GPR153: variants seen among roughly 807,000 people sequenced by gnomAD.
The protein encoded by GPR153 is probable G protein-coupled receptor 153.
GPR153 carries 27 observed loss-of-function variants against 34.1 expected under a neutral mutation model. The ratio of observed to expected loss-of-function variants is 0.79; its 90% CI spans 0.58 to 1.09. The LOEUF is 1.09. GPR153 is among the 50% of genes least tolerant of loss of function. The probability of loss-of-function intolerance (pLI) is 0.00; values close to 1 mark genes in which losing one functional copy is unlikely to be tolerated. For synonymous variants in GPR153, 408 were observed against 405.4 expected, an observed-to-expected ratio of 1.01 and a Z score of -0.08; for missense variants, 848 against 860.2, an observed-to-expected ratio of 0.99 and a Z score of 0.18.
chr1:6,249,886 C>T lies in GPR153; in HGVS notation c.1282G>A (p.Val428Met). 3.1e-6 allele frequency: 4 copies of T among 1,293,190 alleles called. No individual in the cohort carries two copies. Among genetic ancestry groups the T allele is most frequent in the Non-Finnish European group, 3.9e-6 (4 of 1,016,960 alleles). 80.1% of individuals were successfully genotyped at this position (1,293,190 alleles called of 1,614,324 possible). A position where few individuals can be genotyped will look rare whatever the true frequency, so the allele number is the denominator to read the frequency against. The change falls in exon 6 of 6, where the codon GTG (valine) becomes ATG (methionine). Residue 428 changes from valine (V) to methionine (M), a missense_variant. Transcript: ENST00000377893. The surrounding 1 kb of genome is among the most constrained non-coding windows in gnomAD (Gnocchi z 4.3). Reference sequence around the variant, plus strand: ...CGCCGCTCGGGCCCGGCAGGCAGCACCAGGTGCGCCAGGGCGGCCAGGTCC... The same window carrying T: ...CGCCGCTCGGGCCCGGCAGGCAGCATCAGGTGCGCCAGGGCGGCCAGGTCC... ...GEDLAALAHL[V>M]LPAGPERRRA...
chr1:6,254,270 A>T lies in GPR153; in HGVS notation c.357-123T>A, dbSNP rs571700155. Reference sequence around the variant, plus strand: ...CCCACACCCCCAGTATATCATAGTCATGGCACAGCCAGTGTGGCAGGGCCT... The same window carrying T: ...CCCACACCCCCAGTATATCATAGTCTTGGCACAGCCAGTGTGGCAGGGCCT... On this transcript the variant is annotated intron_variant, in intron 2 of 5. Transcript: ENST00000377893. 73 of 907,058 alleles carry T rather than the reference A, an allele frequency of 8.0e-5. 1 individual carries two copies. Among genetic ancestry groups the T allele is most frequent in the South Asian group, 7.7e-4 (46 of 60,106 alleles). 56.2% of individuals were successfully genotyped at this position (907,058 alleles called of 1,614,324 possible).
rs59403526 is a variant in GPR153 at position 6,255,642 on chromosome 1, G to GTTTTTTTTTTTTTT, written c.-109-642_-109-629dup. Among the ~76,000 whole-genome samples, 6 of 38,850 alleles carry GTTTTTTTTTTTTTT rather than the reference G, an allele frequency of 1.5e-4. 2 individuals carry two copies. The highest frequency in any genetic ancestry group is 5.8e-4 in the African/African-American group (6 of 10,414). 25.5% of individuals were successfully genotyped at this position (38,850 alleles called of 152,430 possible). ...GGCCTGCACCACTATGCCTGGCTAC[G>GTTTTTTTTTTTTTT]TTTTTTTTTTTTTTTTTTTTTTTTT... is the stretch of plus-strand genomic sequence containing the variant. On this transcript the variant is annotated intron_variant, in intron 1 of 5. Coordinates refer to ENST00000377893, the MANE Select transcript of GPR153 (RefSeq NM_207370.4).
intron 1 of GPR153, among the ~76,000 whole-genome samples, chr1:6,260,513 C>T (rs900841384): frequency 2.0e-5 from 3 of 151,894 alleles, no homozygotes; most frequent in Middle Eastern, 3.2e-3. Context: ...CTGCGGCCCC[C>T]GGACCCCTCT....
In GPR153 at chr1:6,253,740, C is replaced by T; in HGVS notation, c.764G>A (p.Cys255Tyr). ...CACCAGCACAGGGAAGCCCATGAGG[C>T]AGTCGTAGATGAAGACTATGGTGGT... The part of the protein sequence containing the change: ...LVTTIVFIYD[C>Y]LMGFPVLVVS... Residue 255 changes from cysteine to tyrosine, a missense_variant, in exon 3 of 6, where the codon TGC (cysteine) becomes TAC (tyrosine). By Grantham distance (194) the Cys-to-Tyr change is radical. Coordinates refer to ENST00000377893, the MANE Select transcript of GPR153 (RefSeq NM_207370.4). The T allele has an allele frequency of 6.6e-7, 1 of 1,524,740 alleles. No individual in the cohort carries two copies. Among genetic ancestry groups the T allele is most frequent in the East Asian group, 2.3e-5 (1 of 44,048 alleles). The allele number at this position is 1,524,740 out of a possible 1,614,324, so 94.5% of individuals were successfully genotyped here.
In GPR153 at chr1:6,249,437, CGCGCGCA is replaced by C. The variant is rs1460356729; in HGVS notation, c.1724_1730del (p.Leu575ArgfsTer12). 2.6e-5 allele frequency: 35 copies of C among 1,363,502 alleles called. No homozygotes were observed. The highest frequency in any genetic ancestry group is 6.2e-5 in the East Asian group (2 of 32,354). 84.5% of individuals were successfully genotyped at this position (1,363,502 alleles called of 1,614,324 possible). A position where few individuals can be genotyped will look rare whatever the true frequency, so the allele number is the denominator to read the frequency against. Reference sequence around the variant, plus strand: ...TGCTGGTGCTGCCGCCGCCGCCCGCCGCGCGCAGCCCCCCGGGCTCGCCCCACGACGC... The same window carrying C: ...TGCTGGTGCTGCCGCCGCCGCCCGCCGCCCCCCGGGCTCGCCCCACGACGC... On this transcript the variant is annotated frameshift_variant, in exon 6 of 6. Coordinates refer to ENST00000377893, the MANE Select transcript of GPR153 (RefSeq NM_207370.4). LOFTEE classifies it high-confidence loss of function. The surrounding 1 kb of genome is among the most constrained non-coding windows in gnomAD (Gnocchi z 4.3).
At chr1:6,250,192 G>T in intron 5 of GPR153, 189 bp from the exon 6 acceptor site, 1 of 985,436 alleles carries the variant, frequency 1.0e-6, no homozygotes, top group African/African-American at 1.7e-5. Context: ...AGCTGGGGTC[G>T]GTTGGGGAGG....
At chr1:6,260,385 C>T (rs998804894) in intron 1 of GPR153, among the ~76,000 whole-genome samples, 2 of 66,386 alleles carry the variant, frequency 3.0e-5, no homozygotes, top group African/African-American at 5.6e-5. Context: ...ATCCCCCCCC[C>T]CCCCCGCAAT....
In GPR153 at chr1:6,251,228, A is replaced by G; in HGVS notation, c.979+110T>C. On this transcript the variant is annotated intron_variant, in intron 4 of 5. Transcript: ENST00000377893. This position sits in a 1 kb window ranked among gnomAD's most constrained non-coding sequence, Gnocchi z 4.9. Reference sequence around the variant, plus strand: ...GGTGACACGGGGTGTCTGGTGGTTGAGAATGAAGTCACCTCCTTAGTGGCG... The same window carrying G: ...GGTGACACGGGGTGTCTGGTGGTTGGGAATGAAGTCACCTCCTTAGTGGCG... The G allele has an allele frequency of 2.4e-6, 2 of 848,116 alleles. No homozygotes were observed. Among genetic ancestry groups the G allele is most frequent in the South Asian group, 1.7e-5 (1 of 59,752 alleles). 52.5% of individuals were successfully genotyped at this position (848,116 alleles called of 1,614,324 possible).
intron 1 of GPR153, among the ~76,000 whole-genome samples, chr1:6,255,642 G>GCTTTTTTTT (rs1476167661): frequency 1.0e-4 from 4 of 38,840 alleles, no homozygotes; most frequent in African/African-American, 3.8e-4. Flanking sequence ...GCCTGGCTAC[G>GCTTTTTTTT]TTTTTTTTTT....
intron 1 of GPR153, among the ~76,000 whole-genome samples, chr1:6,259,387 G>C (rs773827140): frequency 6.6e-6 from 1 of 152,148 alleles, no homozygotes; most frequent in Admixed American, 6.5e-5. Context: ...GAAGCAGGGA[G>C]AGGTAAAGCT....
intron 1 of GPR153, among the ~76,000 whole-genome samples, chr1:6,255,405 GC>G (rs1448347253): frequency 6.6e-6 from 1 of 151,622 alleles, no homozygotes; most frequent in Non-Finnish European, 1.5e-5. Flanking sequence ...CACCATGTTG[GC>G]CAGGCTGGTC....
Position 6,251,633 on chromosome 1 carries a change from G to T in GPR153, c.787-103C>A. On this transcript the variant is annotated intron_variant, in intron 3 of 5. Transcript: ENST00000377893. This position sits in a 1 kb window ranked among gnomAD's most constrained non-coding sequence, Gnocchi z 4.9. The stretch of plus-strand genomic sequence containing the variant: ...CATGTGTACGGCAGGTCTGACAGGT[G>T]GGTATCTGCCAAGGAGAAGGGGCCC... 1 of 1,272,186 alleles carries T rather than the reference G, an allele frequency of 7.9e-7. No homozygotes were observed. Among genetic ancestry groups the T allele is most frequent in the Non-Finnish European group, 1.1e-6 (1 of 951,348 alleles). The allele number at this position is 1,272,186 out of a possible 1,614,324, so 78.8% of individuals were successfully genotyped here.
intron 3 of GPR153, among the ~76,000 whole-genome samples, chr1:6,252,983 G>A (rs1638482542): frequency 6.6e-6 from 1 of 152,168 alleles, no homozygotes; most frequent in Non-Finnish European, 1.5e-5. Flanking sequence ...GCCTTGCTCT[G>A]TCTCCTGATC....
intron 5 of GPR153, 125 bp from the exon 6 acceptor site, chr1:6,250,128 CT>C (rs1197398266): frequency 1.3e-5 from 17 of 1,323,996 alleles, no homozygotes; most frequent in South Asian, 7.6e-5. Flanking sequence ...GGCAGTCTGG[CT>C]GGGAGCTGTG....
chr1:6,256,534 A>AT (rs1426163815), intron 1 of GPR153, among the ~76,000 whole-genome samples: 2 of 151,864 alleles, frequency 1.3e-5, no homozygotes, highest in African/African-American at 4.8e-5. Flanking sequence ...TGCTCGGCTA[A>AT]TTTTTTTGTA....
Position 6,251,573 on chromosome 1 carries a change from C to T in GPR153, c.787-43G>A. On this transcript the variant is annotated intron_variant, in intron 3 of 5. Transcript: ENST00000377893. The surrounding 1 kb of genome is among the most constrained non-coding windows in gnomAD (Gnocchi z 4.9). ...GGCCTGGCACCTGCAGGACCCCCCA[C>T]CATCACACAAGCTCCCCCTGAGTCT... 1.3e-6 allele frequency: 2 copies of T among 1,516,202 alleles called. No individual in the cohort carries two copies. The highest frequency in any genetic ancestry group is 1.3e-5 in the South Asian group (1 of 79,670). The allele number at this position is 1,516,202 out of a possible 1,614,324, so 93.9% of individuals were successfully genotyped here. A position where few individuals can be genotyped will look rare whatever the true frequency, so the allele number is the denominator to read the frequency against.
At position 6,254,892 on chromosome 1, in the gene GPR153, C is replaced by A. The variant is rs756755487; in HGVS notation, c.14G>T (p.Arg5Leu). 3.2e-6 allele frequency: 5 copies of A among 1,569,034 alleles called. No individual in the cohort carries two copies. Among genetic ancestry groups the A allele is most frequent in the Admixed American group, 3.6e-5 (2 of 55,272 alleles). Residue 5 changes from arginine (R) to leucine (L), a missense_variant, in exon 2 of 6, where the codon CGG becomes CTG. Transcript: ENST00000377893. MSDERRLPGSAVGWL... is the reference protein window; with the variant it reads MSDELRLPGSAVGWL... ...GCCCACTGCACTGCCAGGCAGCCGC[C>A]GCTCATCACTCATGGTGCAGACCGG...
chr1:6,251,196 A>G lies in GPR153; in HGVS notation c.979+142T>C, dbSNP rs1638439902. On this transcript the variant is annotated intron_variant, in intron 4 of 5. Coordinates refer to ENST00000377893, the MANE Select transcript of GPR153 (RefSeq NM_207370.4). The surrounding 1 kb of genome is among the most constrained non-coding windows in gnomAD (Gnocchi z 4.9). ...TTAGGTCCCTTGGACATTCAAGTACATTTGGGGGTGACACGGGGTGTCTGG... is the reference window on the plus strand; with the variant it reads ...TTAGGTCCCTTGGACATTCAAGTACGTTTGGGGGTGACACGGGGTGTCTGG... 8.5e-6 allele frequency: 6 copies of G among 704,432 alleles called. No individual in the cohort carries two copies. Among genetic ancestry groups the G allele is most frequent in the Non-Finnish European group, 1.2e-5 (5 of 415,788 alleles). The allele number at this position is 704,432 out of a possible 1,614,324, so 43.6% of individuals were successfully genotyped here. A position where few individuals can be genotyped will look rare whatever the true frequency, so the allele number is the denominator to read the frequency against.
chr1:6,257,068 A>C (rs1168432098), intron 1 of GPR153, among the ~76,000 whole-genome samples: 2 of 152,150 alleles, frequency 1.3e-5, no homozygotes, highest in African/African-American at 4.8e-5. Flanking sequence ...GCTCCCTTCC[A>C]GGTTACCTGC....
Sources: gnomAD v4.1 joint callset for allele counts (sites outside exome capture counted in the v4.1 genomes callset) on GRCh38, gnomAD v4.1.1 for gene constraint, Gnocchi (gnomAD v3.1) non-coding constraint, MANE v1.5 for transcripts, NCBI Gene and HGNC (gene_info 2026-07-23, HGNC 2026-07-21) for gene names.